Variants in HS3ST4 observed in about 807,000 individuals in gnomAD.
HS3ST4 encodes the protein heparan sulfate-glucosamine 3-sulfotransferase 4.
A neutral mutation model predicts 29.2 loss-of-function variants in HS3ST4; 17 were observed. That is an observed-to-expected ratio of 0.58 (90% CI 0.40 to 0.87). The LOEUF (loss-of-function observed/expected upper bound fraction) is 0.87, where lower values mean the gene tolerates loss of function less well. HS3ST4 is among the 40% of genes least tolerant of loss of function. The probability of loss-of-function intolerance (pLI) is 0.00; values close to 1 mark genes in which losing one functional copy is unlikely to be tolerated. For missense variants in HS3ST4, 627 were observed against 634.5 expected, an observed-to-expected ratio of 0.99 and a Z score of 0.13; for synonymous variants, 314 against 285.7, an observed-to-expected ratio of 1.10 and a Z score of -1.00.
chr16:26,024,104 A>G (rs985928365), intron 1 of HS3ST4, among the ~76,000 whole-genome samples: 6 of 152,076 alleles, frequency 3.9e-5, no homozygotes, highest in Non-Finnish European at 5.9e-5. Context: ...CATGCCTGTA[A>G]TCCCAGCTAC....
In HS3ST4 at chr16:26,067,044, T is replaced by A. The variant is rs117604094; in HGVS notation, c.735-68568T>A. 1.2e-3 allele frequency among the ~76,000 whole-genome samples: 185 copies of A among 152,250 alleles called. 1 individual carries two copies. In the East Asian group the frequency reaches 0.032, roughly 26 times the overall value. On this transcript the variant is annotated intron_variant, in intron 1 of 1. Transcript: ENST00000331351. ...AGGTAGGAAAGTCCTTGTAAGTGCA[T>A]GGGAATTTGACAGGTAGAGGGGATT...
At chr16:25,720,979 G>A (rs540291796) in intron 1 of HS3ST4, among the ~76,000 whole-genome samples, 43 of 152,304 alleles carry the variant, frequency 2.8e-4, no homozygotes, top group Non-Finnish European at 5.4e-4. Context: ...AGCTGGGCAC[G>A]TTGTTGCCCA....
intron 1 of HS3ST4, among the ~76,000 whole-genome samples, chr16:25,981,565 A>C (rs73521552): frequency 0.015 from 2,234 of 151,588 alleles, 56 homozygotes; most frequent in African/African-American, 0.052. Flanking sequence ...TCACACCTGG[A>C]ACAGTATACC....
intron 1 of HS3ST4, among the ~76,000 whole-genome samples, chr16:25,941,669 G>A (rs9934362): frequency 0.02 from 3,080 of 151,868 alleles, 131 homozygotes; most frequent in East Asian, 0.16. Flanking sequence ...CTCTGCCTCC[G>A]GGGTTTACGC....
chr16:26,100,644 T>A (rs942479142), intron 1 of HS3ST4, among the ~76,000 whole-genome samples: 13 of 152,182 alleles, frequency 8.5e-5, no homozygotes, highest in African/African-American at 3.1e-4. Context: ...GAGGAAACTT[T>A]TCCCCTCTGA....
intron 1 of HS3ST4, among the ~76,000 whole-genome samples, chr16:25,739,945 C>G (rs971865407): frequency 6.6e-6 from 1 of 152,200 alleles, no homozygotes; most frequent in African/African-American, 2.4e-5. Context: ...GGGTGAGACT[C>G]TTTACCCAGT....
At chr16:25,982,193 C>T (rs535689632) in intron 1 of HS3ST4, among the ~76,000 whole-genome samples, 49 of 152,304 alleles carry the variant, frequency 3.2e-4, no homozygotes, top group African/African-American at 9.4e-4. Context: ...TGCTGAAGGA[C>T]GGCGAGAGAG....
At chr16:25,911,044 A>G (rs932792459) in intron 1 of HS3ST4, among the ~76,000 whole-genome samples, 7 of 152,208 alleles carry the variant, frequency 4.6e-5, no homozygotes, top group African/African-American at 1.7e-4. Flanking sequence ...CTCTTTGGCA[A>G]TGGAGCTGTA....
chr16:25,914,356 A>G (rs1039959746), intron 1 of HS3ST4, among the ~76,000 whole-genome samples: 2 of 148,926 alleles, frequency 1.3e-5, no homozygotes, highest in African/African-American at 2.5e-5. Context: ...TGGGGTGTGT[A>G]TGTTTATGGG....
chr16:25,850,952 G>A (rs1967514783), intron 1 of HS3ST4, among the ~76,000 whole-genome samples: 1 of 152,176 alleles, frequency 6.6e-6, no homozygotes, highest in Admixed American at 6.5e-5. Flanking sequence ...AAGTCTTTGA[G>A]ACTCAACTTG....
intron 1 of HS3ST4, among the ~76,000 whole-genome samples, chr16:26,029,504 C>T (rs1025114799): frequency 6.6e-6 from 1 of 152,102 alleles, no homozygotes; most frequent in Admixed American, 6.5e-5. Flanking sequence ...CCTCCGATTC[C>T]TGGGTTCAAG....
At chr16:25,971,524 C>T (rs1968896841) in intron 1 of HS3ST4, among the ~76,000 whole-genome samples, 1 of 152,130 alleles carries the variant, frequency 6.6e-6, no homozygotes, top group South Asian at 2.1e-4. Context: ...TTTCTTGGCT[C>T]CCTCAGGGCT....
At chr16:25,733,575 A>G (rs1966586757) in intron 1 of HS3ST4, among the ~76,000 whole-genome samples, 1 of 152,222 alleles carries the variant, frequency 6.6e-6, no homozygotes, top group Admixed American at 6.5e-5. Flanking sequence ...ATCATGGTGC[A>G]GAGAAGACCA....
intron 1 of HS3ST4, among the ~76,000 whole-genome samples, chr16:25,826,530 A>G (rs1967217404): frequency 6.6e-6 from 1 of 152,202 alleles, no homozygotes; most frequent in African/African-American, 2.4e-5. Context: ...TGAGGAAATC[A>G]AGGATATCAA....
chr16:25,857,919 C>CTTTCTTTCTTTCTTTCATT (rs1555469154), intron 1 of HS3ST4, among the ~76,000 whole-genome samples: 113 of 58,028 alleles, frequency 1.9e-3, no homozygotes, highest in Non-Finnish European at 2.9e-3. Context: ...TTCCTTCCTT[C>CTTTCTTTCTTTCTTTCATT]CTTTCTTTCT....
chr16:25,989,652 G>T (rs933520740), intron 1 of HS3ST4, among the ~76,000 whole-genome samples: 4 of 152,154 alleles, frequency 2.6e-5, no homozygotes, highest in Admixed American at 1.3e-4. Flanking sequence ...CCCGTATGAG[G>T]CCTAACTGAC....
intron 1 of HS3ST4, among the ~76,000 whole-genome samples, chr16:26,091,827 A>G (rs1237572211): frequency 2.6e-5 from 4 of 152,232 alleles, no homozygotes; most frequent in Admixed American, 1.3e-4. Flanking sequence ...TGGGATGCAG[A>G]ATCCAACATT....
chr16:25,771,563 T>C (rs759367684), intron 1 of HS3ST4, among the ~76,000 whole-genome samples: 8 of 152,110 alleles, frequency 5.3e-5, no homozygotes, highest in Non-Finnish European at 8.8e-5. Context: ...ATGGGAAGCC[T>C]TCCTTATCTT....
intron 1 of HS3ST4, among the ~76,000 whole-genome samples, chr16:26,089,281 ACTTCTTCATG>A (rs1898824332): frequency 1.3e-5 from 2 of 152,266 alleles, no homozygotes; most frequent in South Asian, 4.1e-4. Flanking sequence ...GTGAAGGTTG[ACTTCTTCATG>A]CTGGGAGGTG....
Sources: allele counts gnomAD v4.1 joint callset (sites outside exome capture counted in the v4.1 genomes callset), GRCh38; gene constraint gnomAD v4.1.1; transcripts MANE v1.5; gene names NCBI Gene and HGNC (gene_info 2026-07-23, HGNC 2026-07-21).